Variants in KIF18A observed in about 807,000 individuals in gnomAD.
The protein encoded by KIF18A is kinesin-like protein KIF18A.
In KIF18A, 67 loss-of-function variants were observed where a neutral mutation model predicts 103.3. The observed-to-expected ratio is 0.65, with a 90% CI of 0.53 to 0.79. The LOEUF (loss-of-function observed/expected upper bound fraction) is 0.79, where lower values mean the gene tolerates loss of function less well. Among genes scored for constraint, KIF18A ranks in the 30% least tolerant of loss-of-function variants. The probability of loss-of-function intolerance (pLI) is 0.00; values close to 1 mark genes in which losing one functional copy is unlikely to be tolerated. For missense variants in KIF18A, 1,032 were observed against 1,062.5 expected, an observed-to-expected ratio of 0.97 and a Z score of 0.40; for synonymous variants, 367 against 355.5, an observed-to-expected ratio of 1.03 and a Z score of -0.36.
At chr11:28,107,526 G>A (rs893023512) in intron 1 of KIF18A, among the ~76,000 whole-genome samples, 2 of 152,222 alleles carry the variant, frequency 1.3e-5, no homozygotes, top group Admixed American at 6.5e-5. Flanking sequence ...GGCAGTCAGA[G>A]CGGCTTTTAT....
intron 16 of KIF18A, among the ~76,000 whole-genome samples, chr11:28,022,119 T>A (rs940355626): frequency 1.3e-5 from 2 of 152,186 alleles, no homozygotes; most frequent in African/African-American, 4.8e-5. Context: ...TAATACCTCT[T>A]TGGCAAGCAT....
chr11:28,087,900 C>T (rs1258109729), intron 6 of KIF18A, among the ~76,000 whole-genome samples: 4 of 152,006 alleles, frequency 2.6e-5, no homozygotes, highest in Admixed American at 2.0e-4. Flanking sequence ...ACTTAAATTG[C>T]CATATTATAA....
At chr11:28,052,972 A>G (rs186994000) in intron 13 of KIF18A, among the ~76,000 whole-genome samples, 69 of 152,354 alleles carry the variant, frequency 4.5e-4, no homozygotes, top group Admixed American at 3.9e-3. Context: ...TGAATATGGA[A>G]AAAAGATAGT....
intron 7 of KIF18A, among the ~76,000 whole-genome samples, chr11:28,083,483 T>A (rs1590703224): frequency 6.6e-6 from 1 of 152,136 alleles, no homozygotes; most frequent in Admixed American, 6.6e-5. Context: ...TGCAATATAA[T>A]AAAATTCCCT....
At chr11:28,107,268 C>G (rs550879602) in intron 1 of KIF18A, among the ~76,000 whole-genome samples, 1 of 152,072 alleles carries the variant, frequency 6.6e-6, no homozygotes, top group African/African-American at 2.4e-5. Flanking sequence ...ATAATCTAAA[C>G]TATATATTAT....
intron 11 of KIF18A, among the ~76,000 whole-genome samples, chr11:28,066,274 CCAAGAGAAT>C (rs1394205324): frequency 6.6e-6 from 1 of 151,962 alleles, no homozygotes; most frequent in African/African-American, 2.4e-5. Context: ...TGCTACCAAT[CCAAGAGAAT>C]CAACTCTTGT....
chr11:28,054,355 C>T (rs966291041), intron 13 of KIF18A, among the ~76,000 whole-genome samples: 1 of 152,032 alleles, frequency 6.6e-6, no homozygotes, highest in Non-Finnish European at 1.5e-5. Flanking sequence ...GGATTACAGG[C>T]ATGGGCCACA....
chr11:28,022,462 T>A (rs1590655588), intron 16 of KIF18A, among the ~76,000 whole-genome samples: 1 of 151,866 alleles, frequency 6.6e-6, no homozygotes, highest in East Asian at 1.9e-4. Context: ...AGAGACGGGG[T>A]TTCACCATGT....
chr11:28,063,157 G>T (rs1437572575), intron 11 of KIF18A, among the ~76,000 whole-genome samples: 1 of 152,066 alleles, frequency 6.6e-6, no homozygotes, highest in Non-Finnish European at 1.5e-5. Context: ...TATGAGTCAT[G>T]TGATTTTAGA....
At chr11:28,030,660 C>CA (rs1850386805) in intron 15 of KIF18A, among the ~76,000 whole-genome samples, 1 of 151,734 alleles carries the variant, frequency 6.6e-6, no homozygotes, top group African/African-American at 2.4e-5. Flanking sequence ...GCAATGGCAA[C>CA]AAAAGCCAAA....
At chr11:28,046,877 C>A (rs1386320486) in intron 13 of KIF18A, among the ~76,000 whole-genome samples, 4 of 149,770 alleles carry the variant, frequency 2.7e-5, no homozygotes, top group South Asian at 2.1e-4. Flanking sequence ...TGTGGTGAAA[C>A]CCCTTCTCTA....
At chr11:28,041,850 A>G (rs1850564666) in intron 13 of KIF18A, among the ~76,000 whole-genome samples, 1 of 151,878 alleles carries the variant, frequency 6.6e-6, no homozygotes, top group Admixed American at 6.6e-5. Flanking sequence ...AGTATATATT[A>G]ATTCTACATA....
At chr11:28,101,337 A>G (rs904333228) in intron 1 of KIF18A, among the ~76,000 whole-genome samples, 5 of 152,260 alleles carry the variant, frequency 3.3e-5, no homozygotes, top group Non-Finnish European at 4.4e-5. Context: ...TAGATTAAAT[A>G]TACATAAATG....
chr11:28,023,705 A>G, intron 16 of KIF18A, 36 bp downstream of exon 16: 1 of 1,167,426 alleles, frequency 8.6e-7, no homozygotes, highest in Non-Finnish European at 1.3e-6. Flanking sequence ...TTACAGAGTC[A>G]TACCATTAAA....
chr11:28,088,679 T>G lies in KIF18A; in HGVS notation c.742A>C (p.Asn248His). The G allele has an allele frequency of 6.2e-7, 1 of 1,614,062 alleles. No homozygotes were observed. ...QQDKTASINQNVRIAKMSLID... is the reference protein window; with the variant it reads ...QQDKTASINQHVRIAKMSLID... The stretch of plus-strand genomic sequence containing the variant: ...AGTGACATCTTGGCAATACGGACAT[T>G]TTGATTGATACTTGCTGTTTTGTCT... Residue 248 changes from asparagine (N) to histidine (H), a missense_variant, in exon 6 of 17, where the codon AAT (asparagine) becomes CAT (histidine). Coordinates refer to ENST00000263181, the MANE Select transcript of KIF18A (RefSeq NM_031217.4).
At chr11:28,046,289 A>C (rs1009006307) in intron 13 of KIF18A, among the ~76,000 whole-genome samples, 13 of 149,708 alleles carry the variant, frequency 8.7e-5, no homozygotes, top group Admixed American at 6.0e-4. Flanking sequence ...AAGACTTGGA[A>C]CCAACCCAAA....
rs187478289 is a variant in KIF18A, at chr11:28,075,347, A to T, written c.1425+1660T>A. On this transcript the variant is annotated intron_variant, in intron 10 of 16. Coordinates refer to ENST00000263181, the MANE Select transcript of KIF18A (RefSeq NM_031217.4). ...GCACCTAGGAGCTGTGTCACCTTGG[A>T]CAAAATGACTTGTATTTTGGTTTCC... Among the ~76,000 whole-genome samples the T allele has an allele frequency of 2.6e-5, 4 of 152,276 alleles. No homozygotes were observed. In the East Asian group the frequency reaches 7.7e-4, roughly 29 times the overall value.
chr11:28,081,740 C>T (rs1264357555), intron 9 of KIF18A, among the ~76,000 whole-genome samples: 4 of 152,122 alleles, frequency 2.6e-5, no homozygotes, highest in African/African-American at 7.2e-5. Flanking sequence ...TTAGGAAATA[C>T]ATTTTGTAGG....
intron 16 of KIF18A, 127 bp downstream of exon 16, chr11:28,023,614 G>A: frequency 2.0e-6 from 1 of 491,084 alleles, no homozygotes. Flanking sequence ...AATCATACTT[G>A]TTCTACCACA....
Sources: allele counts gnomAD v4.1 joint callset (sites outside exome capture counted in the v4.1 genomes callset), GRCh38; gene constraint gnomAD v4.1.1; transcripts MANE v1.5; gene names NCBI Gene and HGNC (gene_info 2026-07-23, HGNC 2026-07-21).